AQP9: variants seen among roughly 807,000 people sequenced by gnomAD.
The protein encoded by AQP9 is aquaporin 9, also known as aquaporin-9.
A neutral mutation model predicts 23.8 loss-of-function variants in AQP9; 19 were observed. The observed-to-expected ratio is 0.80, with a 90% CI of 0.56 to 1.17. The LOEUF (loss-of-function observed/expected upper bound fraction) is 1.17. Among genes scored for constraint, AQP9 ranks in the 50% most tolerant of loss-of-function variants. The pLI is 0.00. For synonymous variants in AQP9, 153 were observed against 131.5 expected (o/e 1.16, Z -1.12); for missense variants, 413 against 362.0 (o/e 1.14, Z -1.14).
At position 58,185,765 on chromosome 15, in the gene AQP9, G is replaced by GGCATTAGGTTCTGATATC. The variant is rs1899017272; in HGVS notation, c.*1630_*1631insGCATTAGGTTCTGATATC. On this transcript the variant is annotated 3_prime_UTR_variant, in exon 6 of 6. Transcript: ENST00000219919. Reference sequence around the variant, plus strand: ...AGGCATTAGGTTTCCCAACTGCTTTGTGCTGATATCAGAACAGCAGAAATT... The same window carrying GGCATTAGGTTCTGATATC: ...AGGCATTAGGTTTCCCAACTGCTTTGGCATTAGGTTCTGATATCTGCTGATATCAGAACAGCAGAAATT... 6.6e-6 allele frequency: 1 copy of GGCATTAGGTTCTGATATC among 152,190 alleles called. No homozygotes were observed. The highest frequency in any genetic ancestry group is 1.5e-5 in the Non-Finnish European group (1 of 68,030). 9.4% of individuals were successfully genotyped at this position (152,190 alleles called of 1,614,324 possible). A position where few individuals can be genotyped will look rare whatever the true frequency, so the allele number is the denominator to read the frequency against.
chr15:58,138,946 T>A (rs1171907959), intron 1 of AQP9: 2 of 333,352 alleles, frequency 6.0e-6, no homozygotes, highest in Non-Finnish European at 1.1e-5. Context: ...AGGTATTTAC[T>A]TATACTCTAA....
chr15:58,140,804 T>A (rs1215311445), intron 1 of AQP9, among the ~76,000 whole-genome samples: 1 of 152,188 alleles, frequency 6.6e-6, no homozygotes, highest in Non-Finnish European at 1.5e-5. Flanking sequence ...TGGTTCTATT[T>A]TTTTTCCCTC....
intron 2 of AQP9, among the ~76,000 whole-genome samples, chr15:58,172,242 G>A (rs1898640951): frequency 6.6e-6 from 1 of 152,192 alleles, no homozygotes; most frequent in South Asian, 2.1e-4. Context: ...AACTGGAGTA[G>A]TACTCATCTC....
chr15:58,166,744 T>C lies in AQP9; in HGVS notation c.183T>C (p.Asn61=). 3 of 1,614,034 alleles carry C rather than the reference T, an allele frequency of 1.9e-6. No homozygotes were observed. Among genetic ancestry groups the C allele is most frequent in the East Asian group, 2.2e-5 (1 of 44,884 alleles). ...GTTTTGGAGGGGTCATCACTATCAA[T>C]GTTGGATTTTCAATGGCAGTTGCAA... ...RGRFGGVITI[N]VGFSMAVAMA... is the part of the protein sequence containing the mutation. Residue 61 remains asparagine, a synonymous_variant, in exon 2 of 6, where the codon AAT becomes AAC. Coordinates refer to ENST00000219919, the MANE Select transcript of AQP9 (RefSeq NM_020980.5).
At chr15:58,172,253 A>G (rs1329691991) in intron 2 of AQP9, among the ~76,000 whole-genome samples, 1 of 152,172 alleles carries the variant, frequency 6.6e-6, no homozygotes, top group Non-Finnish European at 1.5e-5. Flanking sequence ...TACTCATCTC[A>G]TTGGGTTCTT....
At chr15:58,165,279 C>T (rs1447845738) in intron 1 of AQP9, among the ~76,000 whole-genome samples, 1 of 152,146 alleles carries the variant, frequency 6.6e-6, no homozygotes, top group African/African-American at 2.4e-5. Flanking sequence ...CTGTCTTTCC[C>T]AAGAACCGTC....
intron 4 of AQP9, 118 bp downstream of exon 4, chr15:58,175,154 G>A: frequency 2.0e-6 from 2 of 1,011,664 alleles, no homozygotes; most frequent in Non-Finnish European, 3.0e-6. Context: ...AAAGGCAGAG[G>A]TTGCTGGGCA....
intron 1 of AQP9, among the ~76,000 whole-genome samples, chr15:58,142,017 G>A (rs1897960307): frequency 1.3e-5 from 2 of 152,154 alleles, no homozygotes; most frequent in Admixed American, 1.3e-4. Context: ...TGAGATAAGG[G>A]TGGGCAGATA....
At chr15:58,144,599 T>G (rs1898007753) in intron 1 of AQP9, among the ~76,000 whole-genome samples, 1 of 152,334 alleles carries the variant, frequency 6.6e-6, no homozygotes, top group Non-Finnish European at 1.5e-5. Flanking sequence ...AATCAAAATT[T>G]TCCCTTTTTT....
Position 58,138,528 on chromosome 15 carries a change from G to C in AQP9, c.-38G>C. 1 of 1,545,724 alleles carries C rather than the reference G, an allele frequency of 6.5e-7. No individual in the cohort carries two copies. Among genetic ancestry groups the C allele is most frequent in the Admixed American group, 1.7e-5 (1 of 57,872 alleles). On this transcript the variant is annotated 5_prime_UTR_variant, in exon 1 of 6. Coordinates refer to ENST00000219919, the MANE Select transcript of AQP9 (RefSeq NM_020980.5). The stretch of plus-strand genomic sequence containing the variant: ...TGAAAGTGAGGACCACAACAGGTAG[G>C]TATTGGTAGAAACAGGAGTCCTCAG...
chr15:58,165,359 G>GC lies in AQP9; in HGVS notation c.112-1311dup, dbSNP rs1295861463. Among the ~76,000 whole-genome samples, 6 of 152,194 alleles carry GC rather than the reference G, an allele frequency of 3.9e-5. No homozygotes were observed. The South Asian group carries it at 1.2e-3, about 32-fold the overall frequency. On this transcript the variant is annotated intron_variant, in intron 1 of 5. Transcript: ENST00000219919. ...ACTGATTATTCAATGAATATGTGGG[G>GC]CCCATTTTTTTAAAAAAATTAGAAA... is the stretch of plus-strand genomic sequence containing the variant.
chr15:58,183,771 T>A lies in AQP9; in HGVS notation c.714-190T>A, dbSNP rs908250828. 1.5e-4 allele frequency among the ~76,000 whole-genome samples: 23 copies of A among 152,294 alleles called. 1 individual carries two copies. The highest frequency in any genetic ancestry group is 7.8e-4 in the Admixed American group (12 of 15,302). ...TAGTAGGACAATTAAATAGATCATC[T>A]GAAATCAGGTGTAGTGGAAAGTCAA... On this transcript the variant is annotated intron_variant, in intron 5 of 5. Transcript: ENST00000219919.
At chr15:58,182,660 T>C (rs1011885943) in intron 5 of AQP9, among the ~76,000 whole-genome samples, 6 of 152,136 alleles carry the variant, frequency 3.9e-5, no homozygotes, top group Admixed American at 1.3e-4. Flanking sequence ...AAAATCCATC[T>C]GGATTTGGGG....
At position 58,185,175 on chromosome 15, in the gene AQP9, T is replaced by C. The variant is rs569081517; in HGVS notation, c.*1040T>C. On this transcript the variant is annotated 3_prime_UTR_variant, in exon 6 of 6. Coordinates refer to ENST00000219919, the MANE Select transcript of AQP9 (RefSeq NM_020980.5). ...CCTCATAATGACTATGTGAGGCAAA[T>C]GCCACATTGCCCATTTTTCAGATAA... The C allele has an allele frequency of 1.5e-4, 23 of 152,566 alleles. No homozygotes were observed. The South Asian group carries it at 4.1e-3, about 27-fold the overall frequency. The allele number at this position is 152,566 out of a possible 1,614,324, so 9.5% of individuals were successfully genotyped here.
At chr15:58,138,781 G>A in intron 1 of AQP9, 105 bp downstream of exon 1, 2 of 929,158 alleles carry the variant, frequency 2.2e-6, no homozygotes, top group Non-Finnish European at 3.3e-6. Flanking sequence ...AGTTAATTGG[G>A]ATCAGATTCA....
At chr15:58,182,629 C>G (rs1328748642) in intron 5 of AQP9, among the ~76,000 whole-genome samples, 3 of 152,134 alleles carry the variant, frequency 2.0e-5, no homozygotes, top group Admixed American at 2.0e-4. Context: ...AGGCAGCCAC[C>G]CTCCATGTGC....
chr15:58,141,682 C>T (rs557285735), intron 1 of AQP9, among the ~76,000 whole-genome samples: 2 of 152,292 alleles, frequency 1.3e-5, no homozygotes, highest in African/African-American at 4.8e-5. Flanking sequence ...CTCCTACCTT[C>T]CACCAGGACT....
chr15:58,178,772 C>G (rs1397540087), intron 4 of AQP9, among the ~76,000 whole-genome samples: 5 of 152,152 alleles, frequency 3.3e-5, no homozygotes, highest in Admixed American at 6.6e-5. Flanking sequence ...ATTTTTCCAG[C>G]CTGCAGCTTG....
intron 2 of AQP9, among the ~76,000 whole-genome samples, chr15:58,171,999 G>A (rs1898635884): frequency 6.6e-6 from 1 of 152,174 alleles, no homozygotes; most frequent in Admixed American, 6.5e-5. Context: ...GTTTTCACTA[G>A]GAAGTGAGCC....
Sources: allele counts gnomAD v4.1 joint callset (sites outside exome capture counted in the v4.1 genomes callset), GRCh38; gene constraint gnomAD v4.1.1; transcripts MANE v1.5; gene names NCBI Gene and HGNC (gene_info 2026-07-23, HGNC 2026-07-21).